DAB1: variants seen among roughly 807,000 people sequenced by gnomAD.
The protein encoded by DAB1 is disabled homolog 1.
A neutral mutation model predicts 64.6 loss-of-function variants in DAB1; 15 were observed. That is an observed-to-expected ratio of 0.23 (90% confidence interval 0.16 to 0.36). The LOEUF is 0.36. Ranked by LOEUF, DAB1 falls within the 10% of genes least tolerant of loss-of-function variation. The pLI is 1.00. For synonymous variants in DAB1, 235 were observed against 251.9 expected, an observed-to-expected ratio of 0.93 and a Z score of 0.64; for missense variants, 596 against 706.7, an observed-to-expected ratio of 0.84 and a Z score of 1.78.
chr1:57,425,456 A>C (rs1229634499), upstream of DAB1, among the ~76,000 whole-genome samples: 1 of 152,126 alleles, frequency 6.6e-6, no homozygotes. Flanking sequence ...TATTTAGCCT[A>C]ATGCACTCCT....
chr1:58,449,515 T>G (rs1270691244), intron 3 of DAB1, among the ~76,000 whole-genome samples: 2 of 152,228 alleles, frequency 1.3e-5, no homozygotes, highest in Admixed American at 6.5e-5. Flanking sequence ...GTAAATTTTC[T>G]AAACTCAGGG....
chr1:57,717,820 G>A (rs1202619428), intron 6 of DAB1, among the ~76,000 whole-genome samples: 3 of 152,052 alleles, frequency 2.0e-5, no homozygotes, highest in Admixed American at 6.6e-5. Context: ...TGGCAATGTA[G>A]ATGAACCTGG....
intron 2 of DAB1, among the ~76,000 whole-genome samples, chr1:57,193,511 C>T (rs1448406051): frequency 6.7e-6 from 1 of 150,338 alleles, no homozygotes; most frequent in Non-Finnish European, 1.5e-5. Context: ...CTCAGCCTCC[C>T]GAGTAGCTGG....
chr1:57,354,778 A>G (rs191550798), intron 1 of DAB1, among the ~76,000 whole-genome samples: 1 of 152,282 alleles, frequency 6.6e-6, no homozygotes, highest in East Asian at 1.9e-4. Context: ...AAGAGCTACC[A>G]TAACTGGAGA....
intron 1 of DAB1, among the ~76,000 whole-genome samples, chr1:57,331,566 C>T (rs72674849): frequency 0.11 from 16,366 of 152,252 alleles, 954 homozygotes; most frequent in Middle Eastern, 0.13. Context: ...ACACCCTTCT[C>T]TTTAACCTTT....
At chr1:58,387,717 CTTTTCTTTTTTTTTTT>C (rs1644444777) in intron 3 of DAB1, among the ~76,000 whole-genome samples, 1 of 102,876 alleles carries the variant, frequency 9.7e-6, no homozygotes, top group Non-Finnish European at 2.0e-5. Flanking sequence ...TTTTTCTTTT[CTTTTCTTTTTTTTTTT>C]TTTTTTTTTG....
intron 1 of DAB1, among the ~76,000 whole-genome samples, chr1:58,537,302 A>G (rs1301458006): frequency 3.3e-5 from 5 of 152,150 alleles, no homozygotes; most frequent in African/African-American, 1.2e-4. Context: ...TATACCTGGA[A>G]CCACTACTTT....
chr1:57,695,400 GAAAGAAAGA>G (rs1557427969), intron 6 of DAB1, among the ~76,000 whole-genome samples: 10 of 84,696 alleles, frequency 1.2e-4, no homozygotes, highest in African/African-American at 4.6e-4. Context: ...AAGAAAGAAA[GAAAGAAAGA>G]AAGAAAGAAA....
chr1:58,340,926 T>G (rs1643923551), intron 4 of DAB1, among the ~76,000 whole-genome samples: 3 of 152,190 alleles, frequency 2.0e-5, no homozygotes, highest in Admixed American at 2.0e-4. Flanking sequence ...GAATGTTTGT[T>G]GAAATCTCAA....
intron 2 of DAB1, among the ~76,000 whole-genome samples, chr1:57,189,405 T>A (rs1663913837): frequency 6.6e-6 from 1 of 152,184 alleles, no homozygotes; most frequent in Admixed American, 6.5e-5. Flanking sequence ...TATTCTGACC[T>A]TCCAAGGCCA....
chr1:57,994,658 A>C (rs17116665), intron 5 of DAB1, among the ~76,000 whole-genome samples: 20,436 of 152,144 alleles, frequency 0.13, 1,591 homozygotes, highest in African/African-American at 0.2. Context: ...ATTCGGATGG[A>C]ATAGACAGGC....
intron 8 of DAB1, among the ~76,000 whole-genome samples, chr1:57,064,112 C>A (rs551470608): frequency 1.3e-5 from 2 of 152,192 alleles, no homozygotes; most frequent in South Asian, 2.1e-4. Flanking sequence ...GGAAAAGTAT[C>A]TTTTGGGCTT....
At chr1:58,289,172 T>C (rs1271119651) in intron 4 of DAB1, among the ~76,000 whole-genome samples, 1 of 152,222 alleles carries the variant, frequency 6.6e-6, no homozygotes, top group Admixed American at 6.6e-5. Context: ...CAACTACCAG[T>C]TTCTACCTTT....
chr1:58,389,780 G>GAGGGC (rs779251953), intron 3 of DAB1, among the ~76,000 whole-genome samples: 19 of 152,126 alleles, frequency 1.2e-4, no homozygotes. Flanking sequence ...GGAGAGAGGA[G>GAGGGC]AGGGCAGGGG....
intron 2 of DAB1, among the ~76,000 whole-genome samples, chr1:57,225,214 C>G (rs1308128232): frequency 6.6e-6 from 1 of 152,136 alleles, no homozygotes; most frequent in African/African-American, 2.4e-5. Flanking sequence ...CATGGGAACT[C>G]ACAAATTTGT....
intron 1 of DAB1, chr1:57,878,430 G>C (rs1020962627): frequency 6.6e-6 from 1 of 152,112 alleles, no homozygotes. Flanking sequence ...TTCCTGGAAA[G>C]GCTCCTCAAA....
At chr1:57,991,480 C>A (rs1249781162) in intron 5 of DAB1, among the ~76,000 whole-genome samples, 2 of 152,094 alleles carry the variant, frequency 1.3e-5, no homozygotes, top group African/African-American at 4.8e-5. Flanking sequence ...AGGACAGGAA[C>A]ACCATTGTAT....
At chr1:57,787,492 C>T (rs1476511454) in intron 6 of DAB1, among the ~76,000 whole-genome samples, 2 of 151,832 alleles carry the variant, frequency 1.3e-5, no homozygotes, top group Non-Finnish European at 2.9e-5. Flanking sequence ...ATGACAAACT[C>T]ACACAATATA....
At chr1:58,279,620 G>C (rs1352610884) in intron 4 of DAB1, among the ~76,000 whole-genome samples, 1 of 152,150 alleles carries the variant, frequency 6.6e-6, no homozygotes, top group East Asian at 1.9e-4. Flanking sequence ...TTTGAGCCGA[G>C]GGCACAAAGC....
Sources: gnomAD v4.1 joint callset for allele counts (sites outside exome capture counted in the v4.1 genomes callset) on GRCh38, gnomAD v4.1.1 for gene constraint, MANE v1.5 for transcripts, NCBI Gene and HGNC (gene_info 2026-07-23, HGNC 2026-07-21) for gene names.